Variants in VPS13C observed in about 807,000 individuals in gnomAD.
VPS13C encodes the protein intermembrane lipid transfer protein VPS13C.
Under a neutral mutation model 456.8 loss-of-function variants are expected in VPS13C, and 358 were observed. The ratio of observed to expected loss-of-function variants is 0.78; its 90% confidence interval spans 0.72 to 0.86. The LOEUF (loss-of-function observed/expected upper bound fraction) is 0.86, where lower values mean the gene tolerates loss of function less well. VPS13C is among the 40% of genes least tolerant of loss of function. The pLI, the probability that VPS13C is intolerant of heterozygous loss-of-function variation, is 0.00. For synonymous variants in VPS13C, 1,578 were observed against 1,486.7 expected, an observed-to-expected ratio of 1.06 and a Z score of -1.41; for missense variants, 4,818 against 4,385.4, an observed-to-expected ratio of 1.10 and a Z score of -2.79.
In VPS13C at chr15:61,983,855, C is replaced by A; in HGVS notation, c.1879G>T (p.Val627Phe). The change falls in exon 20 of 85, where the codon GTT becomes TTT. Residue 627 changes from valine (V) to phenylalanine (F), a missense_variant. By Grantham distance (50) the Val-to-Phe change is conservative. Coordinates refer to ENST00000644861, the MANE Select transcript of VPS13C (RefSeq NM_020821.3). ...ATGACCTCCACAGGCTGGGACTGAACAATCAGAGTCTGGTCAGCAGGACTA... is the reference window on the plus strand; with the variant it reads ...ATGACCTCCACAGGCTGGGACTGAAAAATCAGAGTCTGGTCAGCAGGACTA... Reference protein sequence around the residue: ...EDSPADQTLIVQSQPVEVIYD... With the variant: ...EDSPADQTLIFQSQPVEVIYD... 2 of 1,614,134 alleles carry A rather than the reference C, an allele frequency of 1.2e-6. No homozygotes were observed. The highest frequency in any genetic ancestry group is 1.7e-6 in the Non-Finnish European group (2 of 1,179,998).
chr15:61,922,883 T>C (rs2043708827), intron 53 of VPS13C, 121 bp from the exon 54 acceptor site: 1 of 845,686 alleles, frequency 1.2e-6, no homozygotes, highest in African/African-American at 1.8e-5. Flanking sequence ...TAAATTTTAA[T>C]TTTAAATTAA....
In VPS13C at chr15:61,876,559, CA is replaced by C. The variant is rs1329517904; in HGVS notation, c.10224+413del. ...CAGTTCCATGGTATAGCAATTGTAC[CA>C]AAGTGACCTGCAACAACTACTGTTT... is the stretch of plus-strand genomic sequence containing the variant. On this transcript the variant is annotated intron_variant, in intron 75 of 84. Transcript: ENST00000644861. Among the ~76,000 whole-genome samples the C allele has an allele frequency of 1.1e-4, 17 of 151,906 alleles. No individual in the cohort carries two copies. The South Asian group carries it at 3.5e-3, about 32-fold the overall frequency.
intron 18 of VPS13C, among the ~76,000 whole-genome samples, chr15:61,987,692 G>T (rs1227631449): frequency 6.6e-6 from 1 of 152,138 alleles, no homozygotes. Context: ...AACCACAGTC[G>T]AGGAACATAT....
intron 13 of VPS13C, among the ~76,000 whole-genome samples, chr15:62,009,363 A>T (rs1442814018): frequency 7.5e-6 from 1 of 133,944 alleles, no homozygotes; most frequent in Non-Finnish European, 1.6e-5. Context: ...AGAGAAGATT[A>T]AAAAAAAAAA....
rs114941240 is a variant in VPS13C, at chr15:61,963,932, A to G, written c.3234T>C (p.Asp1078=). 6.9e-3 allele frequency: 11,162 copies of G among 1,608,016 alleles called. 86 individuals carry two copies. The highest frequency in any genetic ancestry group is 0.012 in the Middle Eastern group (73 of 6,032). ...TLPKAIVSSR[D]SDIIDFRLFA... is the part of the protein sequence containing the mutation. ...ATAGCCTGAAATCAATAATGTCACT[A>G]TCTCTGGAGGATACAATCGCTAAAA... Residue 1078 remains aspartate, a synonymous_variant, in exon 32 of 85, where the codon GAT becomes GAC. Transcript: ENST00000644861.
intron 18 of VPS13C, among the ~76,000 whole-genome samples, chr15:61,990,155 G>C (rs2046179367): frequency 1.3e-5 from 2 of 152,056 alleles, no homozygotes; most frequent in African/African-American, 4.8e-5. Flanking sequence ...GCCATTTATA[G>C]AAAGATTAAA....
Position 61,918,884 on chromosome 15 carries a change from A to G in VPS13C, c.7638+405T>C, listed in dbSNP as rs188231933. On this transcript the variant is annotated intron_variant, in intron 58 of 84. Transcript: ENST00000644861. ...ATGCTAAAATGTTTTTCAGAGGGAT[A>G]GATCATTCCAATATGCCTTCATACA... Among the ~76,000 whole-genome samples the G allele has an allele frequency of 5.2e-3, 793 of 152,256 alleles. 7 individuals are homozygous for G. The highest frequency in any genetic ancestry group is 0.021 in the Admixed American group (318 of 15,288).
chr15:62,030,378 T>C (rs145520247), intron 5 of VPS13C, among the ~76,000 whole-genome samples: 10 of 152,196 alleles, frequency 6.6e-5, no homozygotes, highest in East Asian at 5.8e-4. Context: ...GACTGGATCA[T>C]TGGGGTGGGT....
At chr15:61,973,389 T>G in intron 26 of VPS13C, 65 bp downstream of exon 26, 1 of 1,354,294 alleles carries the variant, frequency 7.4e-7, no homozygotes, top group Non-Finnish European at 1.0e-6. Flanking sequence ...TTTCTGAAAA[T>G]GTTATCTCTG....
chr15:61,891,914 C>T (rs1051785031), intron 66 of VPS13C, among the ~76,000 whole-genome samples: 1 of 152,208 alleles, frequency 6.6e-6, no homozygotes, highest in African/African-American at 2.4e-5. Flanking sequence ...CCTGGAGCCA[C>T]AGAGAAGTGA....
Position 61,853,403 on chromosome 15 carries a change from A to AATAT in VPS13C, c.*1053_*1054insATAT, listed in dbSNP as rs1055915351. On this transcript the variant is annotated 3_prime_UTR_variant, in exon 85 of 85. Coordinates refer to ENST00000644861, the MANE Select transcript of VPS13C (RefSeq NM_020821.3). ...GCAGTATTTTCATGTATCAGCAAAT[A>AATAT]ATAATTGTGTCATATAAGCTCATCT... is the stretch of plus-strand genomic sequence containing the variant. The AATAT allele has an allele frequency of 2.6e-5, 4 of 152,194 alleles. No individual in the cohort carries two copies. The highest frequency in any genetic ancestry group is 2.0e-4 in the Admixed American group (3 of 15,284). 9.4% of individuals were successfully genotyped at this position (152,194 alleles called of 1,614,324 possible).
At chr15:61,986,882 A>G (rs1163552108) in intron 18 of VPS13C, among the ~76,000 whole-genome samples, 1 of 152,146 alleles carries the variant, frequency 6.6e-6, no homozygotes, top group African/African-American at 2.4e-5. Context: ...CTATACACAA[A>G]AGTATCCTTC....
intron 12 of VPS13C, 139 bp from the exon 13 acceptor site, chr15:62,010,738 AT>A: frequency 1.1e-6 from 1 of 921,560 alleles, no homozygotes; most frequent in Non-Finnish European, 1.5e-6. Context: ...CTACCAAAAA[AT>A]ATTTAAGCAA....
In VPS13C at chr15:61,947,281, C is replaced by G; in HGVS notation, c.4788G>C (p.Val1596=). 7 of 1,608,442 alleles carry G rather than the reference C, an allele frequency of 4.4e-6. No homozygotes were observed. The South Asian group carries it at 5.6e-5, about 13-fold the overall frequency. ...ATTCAGCTGTGATCTTTAAATCAAA[C>G]ACATCCTTTTGGGAAATGTTGCTGG... The part of the protein sequence containing the change: ...AVSSNISQKD[V]FDLKITAELN... Residue 1596 remains valine (V), a synonymous_variant, in exon 43 of 85, where the codon GTG becomes GTC. Coordinates refer to ENST00000644861, the MANE Select transcript of VPS13C (RefSeq NM_020821.3).
chr15:62,023,490 A>G lies in VPS13C; in HGVS notation c.545T>C (p.Phe182Ser), dbSNP rs1334858355. 5.0e-6 allele frequency: 8 copies of G among 1,585,890 alleles called. No individual in the cohort carries two copies. The South Asian group carries it at 9.4e-5, about 19-fold the overall frequency. Residue 182 changes from phenylalanine (F) to serine (S), a missense_variant, in exon 8 of 85, where the codon TTT (phenylalanine) becomes TCT (serine). Physicochemically the swap from Phe to Ser is radical, Grantham distance 155. Coordinates refer to ENST00000644861, the MANE Select transcript of VPS13C (RefSeq NM_020821.3). ...TACTTGAGTTGCCAATTTTTCCACA[A>G]ATGTATCCTTTTTGGCTTCTTTTGG... The part of the protein sequence containing the change: ...DKPKEAKKDT[F>S]VEKLATQVIK...
chr15:62,027,561 C>A (rs2140612628), intron 6 of VPS13C, among the ~76,000 whole-genome samples: 1 of 152,180 alleles, frequency 6.6e-6, no homozygotes, highest in Admixed American at 6.5e-5. Flanking sequence ...AAGTTCCTAG[C>A]TACAGAAATA....
intron 15 of VPS13C, among the ~76,000 whole-genome samples, chr15:62,006,770 T>C (rs1030069384): frequency 1.3e-5 from 2 of 152,158 alleles, no homozygotes; most frequent in Non-Finnish European, 2.9e-5. Context: ...GCACCTGTTG[T>C]TTCCTGACTT....
At position 61,945,859 on chromosome 15, in the gene VPS13C, T is replaced by G. The variant is rs766731674; in HGVS notation, c.5004A>C (p.Glu1668Asp). The G allele has an allele frequency of 2.1e-5, 34 of 1,609,708 alleles. No individual in the cohort carries two copies. The highest frequency in any genetic ancestry group is 2.9e-5 in the Non-Finnish European group (34 of 1,178,860). Residue 1668 changes from glutamate (E) to aspartate (D), a missense_variant, in exon 45 of 85, where the codon GAA (glutamate) becomes GAC (aspartate). This residue lies in a region of VPS13C where 4,552 missense variants were observed against 4,130.6 expected (regional missense o/e 1.10). Transcript: ENST00000644861. ...AAAGAGTCAGTTGGAACCTAAAGAC[T>G]TCATCTCCCAAAATAGAGACAGCCT... ...HKKAVSILGD[E>D]VFRFQLTLYP...
chr15:61,910,133 T>G, intron 64 of VPS13C, 44 bp downstream of exon 64: 1 of 1,107,436 alleles, frequency 9.0e-7, no homozygotes, highest in East Asian at 4.7e-5. Flanking sequence ...TAATAAAAAA[T>G]TAAATAAATA....
Sources: gnomAD v4.1 joint callset for allele counts (sites outside exome capture counted in the v4.1 genomes callset) on GRCh38, gnomAD v4.1.1 for gene constraint, gnomAD v4.1.1 regional missense constraint, MANE v1.5 for transcripts, NCBI Gene and HGNC (gene_info 2026-07-23, HGNC 2026-07-21) for gene names.